Variants in NSG2 observed in about 807,000 individuals in gnomAD.
NSG2 encodes the protein neuronal vesicle trafficking-associated protein 2.
Under a neutral mutation model 16.9 loss-of-function variants are expected in NSG2, and 4 were observed. That is an observed-to-expected ratio of 0.24 (90% CI 0.12 to 0.54). The LOEUF is 0.54. Ranked by LOEUF, NSG2 falls within the 20% of genes least tolerant of loss-of-function variation. The probability of loss-of-function intolerance (pLI) is 0.95; values close to 1 mark genes in which losing one functional copy is unlikely to be tolerated. For synonymous variants in NSG2, 98 were observed against 88.7 expected (o/e 1.11, Z -0.59); for missense variants, 179 against 221.1 (o/e 0.81, Z 1.21).
At chr5:174,063,405 A>T (rs908101807) in intron 2 of NSG2, among the ~76,000 whole-genome samples, 1 of 152,244 alleles carries the variant, frequency 6.6e-6, no homozygotes, top group Non-Finnish European at 1.5e-5. Context: ...TTAGAAAAAT[A>T]AGATGATACA....
chr5:174,049,197 G>A (rs1044660417), intron 2 of NSG2, among the ~76,000 whole-genome samples: 6 of 152,030 alleles, frequency 3.9e-5, no homozygotes, highest in East Asian at 1.9e-4. Context: ...AAAATTAGCC[G>A]GGCGTGGTGG....
chr5:174,074,103 C>T (rs1163753106), intron 3 of NSG2, among the ~76,000 whole-genome samples: 2 of 152,134 alleles, frequency 1.3e-5, no homozygotes, highest in African/African-American at 4.8e-5. Flanking sequence ...GCTGGTCTCT[C>T]AGCACACCAC....
intron 3 of NSG2, among the ~76,000 whole-genome samples, chr5:174,089,517 G>T (rs148340450): frequency 0.014 from 2,177 of 151,824 alleles, 26 homozygotes; most frequent in Non-Finnish European, 0.021. Flanking sequence ...GCACAGAGGA[G>T]CCTGGCCCAA....
At chr5:174,060,774 G>A (rs1018965524) in intron 2 of NSG2, among the ~76,000 whole-genome samples, 1 of 152,188 alleles carries the variant, frequency 6.6e-6, no homozygotes, top group African/African-American at 2.4e-5. Context: ...CTGAGGTCCT[G>A]GTTTTCTTGT....
intron 4 of NSG2, among the ~76,000 whole-genome samples, chr5:174,106,838 C>A (rs769569712): frequency 1.3e-5 from 2 of 152,070 alleles, no homozygotes; most frequent in Non-Finnish European, 2.9e-5. Flanking sequence ...CATGATCTGC[C>A]TGCCTCAGCC....
chr5:174,084,326 A>G (rs1281688735), intron 3 of NSG2, among the ~76,000 whole-genome samples: 1 of 152,236 alleles, frequency 6.6e-6, no homozygotes, highest in African/African-American at 2.4e-5. Flanking sequence ...AGATAAGATG[A>G]GCGAAACAAG....
At chr5:174,097,054 A>C (rs1346935622) in intron 3 of NSG2, among the ~76,000 whole-genome samples, 1 of 152,128 alleles carries the variant, frequency 6.6e-6, no homozygotes, top group East Asian at 1.9e-4. Context: ...GATAGTGTGC[A>C]CTACGTTCCC....
At chr5:174,104,730 C>T (rs1760950670) in intron 4 of NSG2, among the ~76,000 whole-genome samples, 1 of 152,136 alleles carries the variant, frequency 6.6e-6, no homozygotes, top group African/African-American at 2.4e-5. Flanking sequence ...AGGGCTGGTG[C>T]CTCTGAGGTT....
intron 3 of NSG2, among the ~76,000 whole-genome samples, chr5:174,078,038 CATTTAAATTGGTCAAAACAAAATACA>C (rs1342975969): frequency 2.6e-5 from 4 of 152,316 alleles, no homozygotes; most frequent in Admixed American, 2.6e-4. Context: ...TGGCTATATA[CATTTAAATTGGTCAAAACAAAATACA>C]ATTTAAAGTT....
chr5:174,088,016 A>G (rs1428237646), intron 3 of NSG2, among the ~76,000 whole-genome samples: 1 of 152,062 alleles, frequency 6.6e-6, no homozygotes, highest in Admixed American at 6.5e-5. Flanking sequence ...CAGGCCCTCC[A>G]CAGATGTTAC....
In NSG2 at chr5:174,052,071, C is replaced by G. The variant is rs148330787; in HGVS notation, c.129+5187C>G. 2.0e-5 allele frequency among the ~76,000 whole-genome samples: 3 copies of G among 152,246 alleles called. No homozygotes were observed. In the East Asian group the frequency reaches 5.8e-4, roughly 29 times the overall value. On this transcript the variant is annotated intron_variant, in intron 2 of 4. Coordinates refer to ENST00000303177, the MANE Select transcript of NSG2 (RefSeq NM_015980.5). ...ATTGCCCTCATTGCTGTGAGCCACC[C>G]TAGGGACAAGGGACAGGTTCAGTCT...
At chr5:174,049,736 G>A (rs186726421) in intron 2 of NSG2, among the ~76,000 whole-genome samples, 65 of 152,292 alleles carry the variant, frequency 4.3e-4, no homozygotes, top group Admixed American at 3.9e-4. Flanking sequence ...CCCACAGTGC[G>A]CTCCATTCCC....
chr5:174,106,967 G>A (rs1362442257), intron 4 of NSG2, among the ~76,000 whole-genome samples: 1 of 152,208 alleles, frequency 6.6e-6, no homozygotes, highest in South Asian at 2.1e-4. Flanking sequence ...GTGAACAACA[G>A]CCCAGAGAGG....
intron 3 of NSG2, among the ~76,000 whole-genome samples, chr5:174,080,183 T>G (rs1490494237): frequency 2.0e-5 from 3 of 152,072 alleles, no homozygotes; most frequent in African/African-American, 7.2e-5. Flanking sequence ...TATACCAAAT[T>G]CTTTCAGTTA....
intron 2 of NSG2, among the ~76,000 whole-genome samples, chr5:174,057,331 CT>C (rs1176830369): frequency 6.6e-6 from 1 of 152,150 alleles, no homozygotes; most frequent in African/African-American, 2.4e-5. Flanking sequence ...CTGTCTTGTT[CT>C]CTTTGCCTAT....
At chr5:174,049,549 T>A (rs1197657429) in intron 2 of NSG2, among the ~76,000 whole-genome samples, 7 of 152,220 alleles carry the variant, frequency 4.6e-5, no homozygotes, top group African/African-American at 1.7e-4. Flanking sequence ...GGTCTGAATT[T>A]TACAGAAGCT....
At chr5:174,083,162 C>T (rs1034406394) in intron 3 of NSG2, among the ~76,000 whole-genome samples, 1 of 152,210 alleles carries the variant, frequency 6.6e-6, no homozygotes, top group Non-Finnish European at 1.5e-5. Flanking sequence ...TCCATCACAT[C>T]GCTTCTCACC....
intron 3 of NSG2, among the ~76,000 whole-genome samples, chr5:174,090,715 GGA>G (rs1229162555): frequency 1.3e-5 from 2 of 152,172 alleles, no homozygotes; most frequent in African/African-American, 4.8e-5. Flanking sequence ...AGTGGGGTGG[GGA>G]GGTAGAAGAC....
In NSG2 at chr5:174,071,626, G is replaced by A. The variant is rs528720671; in HGVS notation, c.213+7311G>A. ...ATTTTTGCTGTTTCATCCGCTCACC[G>A]ATCCATTCCACTCTTTGGGCTCCTG... is the stretch of plus-strand genomic sequence containing the variant. On this transcript the variant is annotated intron_variant, in intron 3 of 4. Transcript: ENST00000303177. 3.9e-5 allele frequency among the ~76,000 whole-genome samples: 6 copies of A among 152,294 alleles called. No individual in the cohort carries two copies. In the South Asian group the frequency reaches 1.2e-3, roughly 32 times the overall value.
Sources: gnomAD v4.1 joint callset for allele counts (sites outside exome capture counted in the v4.1 genomes callset) on GRCh38, gnomAD v4.1.1 for gene constraint, MANE v1.5 for transcripts, NCBI Gene and HGNC (gene_info 2026-07-23, HGNC 2026-07-21) for gene names.